Variants in CLSTN2 observed in about 807,000 individuals in gnomAD.
The protein encoded by CLSTN2 is calsyntenin-2.
CLSTN2 carries 48 observed loss-of-function variants against 101.2 expected under a neutral mutation model. That is an observed-to-expected ratio of 0.47 (90% CI 0.38 to 0.60). The LOEUF is 0.60. Among genes scored for constraint, CLSTN2 ranks in the 20% least tolerant of loss-of-function variants. The pLI is 0.00. For missense variants in CLSTN2, 1,160 were observed against 1,238.2 expected (o/e 0.94, Z 0.95); for synonymous variants, 481 against 463.6 (o/e 1.04, Z -0.48).
intron 2 of CLSTN2, among the ~76,000 whole-genome samples, chr3:140,321,853 T>C (rs2087286218): frequency 6.6e-6 from 1 of 152,242 alleles, no homozygotes; most frequent in South Asian, 2.1e-4. Flanking sequence ...CAAGGTACCA[T>C]CTCTGTTCCA....
At chr3:140,019,674 A>G (rs2007269045) in intron 1 of CLSTN2, among the ~76,000 whole-genome samples, 1 of 152,174 alleles carries the variant, frequency 6.6e-6, no homozygotes, top group Non-Finnish European at 1.5e-5. Flanking sequence ...TTTGCACTTT[A>G]GAAAGGTTCT....
In CLSTN2 at chr3:140,556,604, A is replaced by T. The variant is rs559223097; in HGVS notation, c.1766A>T (p.Asn589Ile). Residue 589 changes from asparagine (N) to isoleucine (I), a missense_variant, in exon 11 of 17, where the codon AAC (asparagine) becomes ATC (isoleucine). Transcript: ENST00000458420. ...NRALQKVSYINSRQFPTAGVR... is the reference protein window; with the variant it reads ...NRALQKVSYIISRQFPTAGVR... ...GCTCTCCAGAAAGTCTCCTACATCAACTCCAGGCAGTTCCCAACGGCGGGT... is the reference window on the plus strand; with the variant it reads ...GCTCTCCAGAAAGTCTCCTACATCATCTCCAGGCAGTTCCCAACGGCGGGT... 1 of 1,613,970 alleles carries T rather than the reference A, an allele frequency of 6.2e-7. No homozygotes were observed. The highest frequency in any genetic ancestry group is 2.2e-5 in the East Asian group (1 of 44,860).
At chr3:140,212,859 G>A (rs1446428101) in intron 2 of CLSTN2, among the ~76,000 whole-genome samples, 1 of 152,196 alleles carries the variant, frequency 6.6e-6, no homozygotes, top group African/African-American at 2.4e-5. Context: ...CTCCATGCCT[G>A]AGCTGTGTGC....
intron 1 of CLSTN2, among the ~76,000 whole-genome samples, chr3:139,973,096 G>GA: frequency 6.6e-6 from 1 of 152,352 alleles, no homozygotes; most frequent in African/African-American, 2.4e-5. Flanking sequence ...TGTGAGCAGG[G>GA]CTCTGAGGGC....
chr3:140,020,259 A>G (rs1424352414), intron 1 of CLSTN2, among the ~76,000 whole-genome samples: 2 of 152,272 alleles, frequency 1.3e-5, no homozygotes, highest in Admixed American at 6.5e-5. Context: ...TGGGTGTTCA[A>G]CACTATCTGG....
chr3:139,968,864 T>C (rs2107817955), intron 1 of CLSTN2, among the ~76,000 whole-genome samples: 1 of 152,342 alleles, frequency 6.6e-6, no homozygotes, highest in South Asian at 2.1e-4. Context: ...GCTAAGTCGG[T>C]TCGCCAGCAA....
intron 1 of CLSTN2, among the ~76,000 whole-genome samples, chr3:140,057,541 C>T (rs1171857389): frequency 2.0e-5 from 3 of 152,096 alleles, no homozygotes; most frequent in African/African-American, 7.2e-5. Context: ...ATTGATTTTC[C>T]TGCATAGTAT....
At chr3:140,036,619 C>A (rs1334078449) in intron 1 of CLSTN2, among the ~76,000 whole-genome samples, 2 of 152,090 alleles carry the variant, frequency 1.3e-5, no homozygotes, top group Non-Finnish European at 2.9e-5. Flanking sequence ...CTTTCCTTCA[C>A]AATTGTGTAT....
intron 2 of CLSTN2, among the ~76,000 whole-genome samples, chr3:140,347,824 A>G (rs2087564646): frequency 6.6e-6 from 1 of 152,210 alleles, no homozygotes; most frequent in Non-Finnish European, 1.5e-5. Flanking sequence ...TTATATGTGG[A>G]ATCTCTACAT....
At chr3:140,302,325 A>G (rs987836595) in intron 2 of CLSTN2, among the ~76,000 whole-genome samples, 3 of 152,202 alleles carry the variant, frequency 2.0e-5, no homozygotes, top group African/African-American at 7.2e-5. Context: ...CAGGGACCAT[A>G]TTTATGAACT....
chr3:140,223,594 T>A (rs1429880512), intron 2 of CLSTN2, among the ~76,000 whole-genome samples: 7 of 152,196 alleles, frequency 4.6e-5, no homozygotes, highest in African/African-American at 1.7e-4. Context: ...AGTTTTGTTG[T>A]TTCCTTTCTT....
intron 9 of CLSTN2, among the ~76,000 whole-genome samples, chr3:140,534,355 C>A (rs1935318756): frequency 6.6e-6 from 1 of 152,168 alleles, no homozygotes; most frequent in South Asian, 2.1e-4. Flanking sequence ...GCAATGGAAA[C>A]CCACCCCCAT....
At chr3:140,178,438 T>C (rs2010357534) in intron 2 of CLSTN2, among the ~76,000 whole-genome samples, 1 of 152,230 alleles carries the variant, frequency 6.6e-6, no homozygotes, top group African/African-American at 2.4e-5. Flanking sequence ...CCACAACTGT[T>C]CAGACACTTC....
intron 8 of CLSTN2, among the ~76,000 whole-genome samples, chr3:140,473,182 C>A (rs1249424566): frequency 6.6e-6 from 1 of 152,220 alleles, no homozygotes; most frequent in Non-Finnish European, 1.5e-5. Flanking sequence ...ACTGCCTGAG[C>A]CATGCTCGTT....
intron 8 of CLSTN2, among the ~76,000 whole-genome samples, chr3:140,474,946 G>A (rs1004198906): frequency 6.6e-6 from 1 of 150,520 alleles, no homozygotes; most frequent in Admixed American, 6.6e-5. Flanking sequence ...GGGCCTCAGT[G>A]GAAAGAAGCC....
intron 2 of CLSTN2, among the ~76,000 whole-genome samples, chr3:140,264,524 C>T (rs2086679381): frequency 6.6e-6 from 1 of 151,100 alleles, no homozygotes. Context: ...TAACCGGAGA[C>T]ATGAAGATGC....
At chr3:140,101,461 T>C (rs922997353) in intron 1 of CLSTN2, among the ~76,000 whole-genome samples, 2 of 152,206 alleles carry the variant, frequency 1.3e-5, no homozygotes, top group African/African-American at 4.8e-5. Context: ...CGCTCCCAGG[T>C]TGGGCAACTC....
At chr3:140,066,489 T>G (rs1035062936) in intron 1 of CLSTN2, among the ~76,000 whole-genome samples, 14 of 152,216 alleles carry the variant, frequency 9.2e-5, no homozygotes, top group African/African-American at 3.1e-4. Context: ...GTCTGACTGA[T>G]TTTTAGGAGA....
intron 1 of CLSTN2, among the ~76,000 whole-genome samples, chr3:140,037,304 T>C (rs1039323094): frequency 6.6e-6 from 1 of 152,152 alleles, no homozygotes; most frequent in Admixed American, 6.5e-5. Flanking sequence ...ACTTCCTCCA[T>C]AAATATGTAG....
Sources: allele counts gnomAD v4.1 joint callset (sites outside exome capture counted in the v4.1 genomes callset), GRCh38; gene constraint gnomAD v4.1.1; transcripts MANE v1.5; gene names NCBI Gene and HGNC (gene_info 2026-07-23, HGNC 2026-07-21).